The following PDXDC1 variants were observed in gnomAD, a reference collection of about 807,000 sequenced individuals.
PDXDC1 encodes the protein pyridoxal-dependent decarboxylase domain-containing protein 1.
PDXDC1 carries 42 observed loss-of-function variants against 100.1 expected under a neutral mutation model. The ratio of observed to expected loss-of-function variants is 0.42; its 90% CI spans 0.33 to 0.54. PDXDC1 has a LOEUF of 0.54. PDXDC1 is among the 20% of genes least tolerant of loss of function. The pLI is 0.10. For synonymous variants in PDXDC1, 260 were observed against 371.7 expected (o/e 0.70, Z 3.46); for missense variants, 636 against 979.2 (o/e 0.65, Z 4.68).
At chr16:15,131,263 T>C in intron 16 of PDXDC1, 7 of 1,589,214 alleles carry the variant, frequency 4.4e-6, no homozygotes, top group Non-Finnish European at 6.0e-6. Flanking sequence ...GATGGCGCGC[T>C]CTGAGGCCAG....
chr16:15,102,168 G>C (rs1319609528), intron 16 of PDXDC1, among the ~76,000 whole-genome samples: 2 of 151,456 alleles, frequency 1.3e-5, no homozygotes, highest in African/African-American at 4.8e-5. Context: ...TTTTAAATTT[G>C]TTATAGAGAC....
At chr16:15,061,967 T>C (rs1431881583) in intron 16 of PDXDC1, 1 of 1,474,386 alleles carries the variant, frequency 6.8e-7, no homozygotes, top group Admixed American at 1.8e-5. Flanking sequence ...CTTTCAACAA[T>C]TCCTTCCTCA....
chr16:15,092,335 A>G (rs903140172), intron 16 of PDXDC1, among the ~76,000 whole-genome samples: 2 of 152,152 alleles, frequency 1.3e-5, no homozygotes, highest in Admixed American at 6.5e-5. Context: ...AAGGTGGGGG[A>G]AAAAAAGGAC....
chr16:15,076,623 C>T, intron 16 of PDXDC1: 1 of 1,612,570 alleles, frequency 6.2e-7, no homozygotes, highest in South Asian at 1.1e-5. Flanking sequence ...TCTTCAGCAT[C>T]TTCAATACCC....
intron 16 of PDXDC1, among the ~76,000 whole-genome samples, chr16:15,111,206 C>G (rs1182795104): frequency 1.3e-5 from 2 of 149,026 alleles, no homozygotes; most frequent in South Asian, 2.2e-4. Context: ...CCCGTAATCC[C>G]AGCACTTTGG....
At chr16:15,046,771 A>G (rs2044085910) in intron 16 of PDXDC1, among the ~76,000 whole-genome samples, 1 of 143,988 alleles carries the variant, frequency 6.9e-6, no homozygotes, top group Admixed American at 7.1e-5. Context: ...GCTACTTGGG[A>G]GGCTGAGGTC....
intron 16 of PDXDC1, among the ~76,000 whole-genome samples, chr16:15,062,806 TAAC>T (rs1343504529): frequency 6.6e-6 from 1 of 152,212 alleles, no homozygotes; most frequent in African/African-American, 2.4e-5. Context: ...ACTCTTTAAA[TAAC>T]AACAAAACCT....
At chr16:15,040,409 G>A (rs985713679), downstream of PDXDC1, 6 of 258,970 alleles carry the variant, frequency 2.3e-5, no homozygotes, top group Non-Finnish European at 3.6e-5. Context: ...AACTGTGATC[G>A]TTCTGTTTGA....
In PDXDC1 at chr16:15,036,073, C is replaced by T. The variant is rs1458260134; in HGVS notation, c.2165C>T (p.Ser722Leu). The change falls in exon 23 of 23, where the codon TCA becomes TTA. Residue 722 changes from serine to leucine, a missense_variant. Ser to Leu is a moderately radical substitution (Grantham distance 145). Coordinates refer to ENST00000396410, the MANE Select transcript of PDXDC1 (RefSeq NM_015027.4). The part of the protein sequence containing the change: ...RGSDALSETS[S>L]VSHIEDLEKV... ...TCAGATGCTTTGAGTGAGACCAGCTCAGTCAGTCACATTGAAGACTTAGAA... is the reference window on the plus strand; with the variant it reads ...TCAGATGCTTTGAGTGAGACCAGCTTAGTCAGTCACATTGAAGACTTAGAA... 1.2e-6 allele frequency: 2 copies of T among 1,614,094 alleles called. No individual in the cohort carries two copies. Among genetic ancestry groups the T allele is most frequent in the South Asian group, 2.2e-5 (2 of 91,082 alleles).
intron 16 of PDXDC1, among the ~76,000 whole-genome samples, chr16:15,090,293 T>C (rs1316532185): frequency 6.6e-6 from 1 of 151,072 alleles, no homozygotes; most frequent in African/African-American, 2.4e-5. Flanking sequence ...ATAAGAACAG[T>C]GGACTTAAAT....
rs1040597152 is a variant in PDXDC1 at position 15,128,503 on chromosome 16, T to C, written c.1400-10376T>C. 1.6e-5 allele frequency: 11 copies of C among 684,748 alleles called. No individual in the cohort carries two copies. The Admixed American group carries it at 2.1e-4, about 13-fold the overall frequency. The allele number at this position is 684,748 out of a possible 1,614,324, so 42.4% of individuals were successfully genotyped here. A position where few individuals can be genotyped will look rare whatever the true frequency, so the allele number is the denominator to read the frequency against. ...CGCACTCAAGGAGCCACACAGGCAG[T>C]CCCGGCTTTGCACGGCTCTGCCATA... On this transcript the variant is annotated intron_variant, in intron 16 of 16. Coordinates refer to the PDXDC1 transcript ENST00000535621.
At chr16:15,013,485 T>C (rs2041514004) in intron 8 of PDXDC1, among the ~76,000 whole-genome samples, 1 of 152,222 alleles carries the variant, frequency 6.6e-6, no homozygotes, top group African/African-American at 2.4e-5. Context: ...GATGGAAGTA[T>C]TCTGAATCTT....
chr16:15,134,000 G>A (rs2048232135), intron 16 of PDXDC1: 3 of 1,397,962 alleles, frequency 2.1e-6, no homozygotes, highest in Admixed American at 1.9e-5. Context: ...CCAGTCACAT[G>A]CCTGCGCTGC....
chr16:15,060,225 C>T (rs1437757342), intron 16 of PDXDC1: 2 of 365,554 alleles, frequency 5.5e-6, no homozygotes, highest in South Asian at 2.2e-5. Context: ...TGGGGAATTT[C>T]GTTTACTCGT....
intron 12 of PDXDC1, among the ~76,000 whole-genome samples, chr16:15,020,489 G>C (rs534976260): frequency 1.2e-3 from 180 of 152,342 alleles, no homozygotes; most frequent in African/African-American, 4.1e-3. Context: ...AGGAGATCAA[G>C]ACCATCCTGG....
chr16:15,129,660 C>T (rs2047945964), intron 16 of PDXDC1, among the ~76,000 whole-genome samples: 1 of 152,196 alleles, frequency 6.6e-6, no homozygotes. Flanking sequence ...GTGGGCTGCC[C>T]ACCCTGACTG....
At chr16:15,085,888 C>T (rs1289866421) in intron 16 of PDXDC1, among the ~76,000 whole-genome samples, 7 of 152,062 alleles carry the variant, frequency 4.6e-5, no homozygotes, top group Non-Finnish European at 7.4e-5. Flanking sequence ...AGTTTTTAAA[C>T]GGCTAAAAAT....
At chr16:15,049,707 G>A (rs1025503115) in intron 16 of PDXDC1, among the ~76,000 whole-genome samples, 3 of 152,166 alleles carry the variant, frequency 2.0e-5, no homozygotes, top group Non-Finnish European at 2.9e-5. Context: ...ATTATAGCAT[G>A]AGCCACCATG....
chr16:15,127,731 G>T (rs780924755), intron 16 of PDXDC1: 2 of 1,529,452 alleles, frequency 1.3e-6, no homozygotes, highest in Non-Finnish European at 1.8e-6. Flanking sequence ...CGGCGTTGGC[G>T]CCCAGGAAGA....
Sources: gnomAD v4.1 joint callset for allele counts (sites outside exome capture counted in the v4.1 genomes callset) on GRCh38, gnomAD v4.1.1 for gene constraint, MANE v1.5 for transcripts, NCBI Gene and HGNC (gene_info 2026-07-23, HGNC 2026-07-21) for gene names.